CYFIP1: variants seen among roughly 807,000 people sequenced by gnomAD.
CYFIP1 encodes cytoplasmic FMR1-interacting protein 1.
A neutral mutation model predicts 163.5 loss-of-function variants in CYFIP1; 58 were observed. The observed-to-expected ratio is 0.35, with a 90% CI of 0.29 to 0.44. The LOEUF (loss-of-function observed/expected upper bound fraction) is 0.44, where lower values mean the gene tolerates loss of function less well. Among genes scored for constraint, CYFIP1 ranks in the 20% least tolerant of loss-of-function variants. CYFIP1 has a pLI of 1.00. For synonymous variants in CYFIP1, 663 were observed against 660.7 expected (o/e 1.00, Z -0.05); for missense variants, 1,338 against 1,653.8 (o/e 0.81, Z 3.31).
At position 22,917,266 on chromosome 15, in the gene CYFIP1, G is replaced by C. The variant is rs765300210; in HGVS notation, c.1674+522C>G. On this transcript the variant is annotated intron_variant, in intron 15 of 30. Coordinates refer to ENST00000617928, the MANE Select transcript of CYFIP1 (RefSeq NM_014608.6). This position sits in a 1 kb window ranked among gnomAD's most constrained non-coding sequence, Gnocchi z 4.2. ...AGCCTCCGGCAGAGATGAGGGAGAA[G>C]ACCAGCCCCAGGACGGAGGACAGAC... 5.0e-6 allele frequency: 7 copies of C among 1,388,500 alleles called. No homozygotes were observed. The highest frequency in any genetic ancestry group is 6.5e-6 in the Non-Finnish European group (7 of 1,078,128). 86.0% of individuals were successfully genotyped at this position (1,388,500 alleles called of 1,614,324 possible).
At chr15:22,946,960 G>T in intron 3 of CYFIP1, 43 bp downstream of exon 3, 1 of 1,521,612 alleles carries the variant, frequency 6.6e-7, no homozygotes. Flanking sequence ...CTTCAAACAC[G>T]CCCTTCTCTG....
chr15:22,980,167 G>GT (rs2063432500), intron 1 of CYFIP1, 120 bp downstream of exon 1: 1 of 96,918 alleles, frequency 1.0e-5, no homozygotes. Context: ...CGCCGCCGGG[G>GT]TTGGGGGGGA....
At chr15:22,980,869 C>G (rs570173755), upstream of CYFIP1, 5 of 152,288 alleles carry the variant, frequency 3.3e-5, no homozygotes, top group African/African-American at 7.2e-5. Flanking sequence ...GGGGACCCCC[C>G]CGGCCGGCCC....
At chr15:22,931,729 CAG>C (rs1157423889) in intron 11 of CYFIP1, among the ~76,000 whole-genome samples, 3 of 88,190 alleles carry the variant, frequency 3.4e-5, no homozygotes, top group Non-Finnish European at 4.4e-5. Context: ...TACAGCTGAA[CAG>C]AGAGAACACT....
intron 1 of CYFIP1, among the ~76,000 whole-genome samples, chr15:22,978,932 A>T (rs184913703): frequency 6.6e-6 from 1 of 152,268 alleles, no homozygotes; most frequent in Non-Finnish European, 1.5e-5. Context: ...GGAAGTCACT[A>T]CAGTCCATGC....
intron 1 of CYFIP1, among the ~76,000 whole-genome samples, chr15:22,973,008 C>T (rs2063150139): frequency 6.6e-6 from 1 of 152,068 alleles, no homozygotes; most frequent in Non-Finnish European, 1.5e-5. Context: ...TGGTGGTGCA[C>T]ACCTGTAATC....
chr15:22,875,107 C>A, intron 27 of CYFIP1, 92 bp downstream of exon 27: 1 of 1,212,442 alleles, frequency 8.2e-7, no homozygotes, highest in Non-Finnish European at 1.2e-6. Context: ...AACCCACAAT[C>A]TGCACTGGTC....
intron 22 of CYFIP1, among the ~76,000 whole-genome samples, chr15:22,901,488 C>A (rs1293567299): frequency 6.6e-6 from 1 of 152,328 alleles, no homozygotes; most frequent in African/African-American, 2.4e-5. Flanking sequence ...GCTCCAGGTG[C>A]GCCCCGCTGA....
rs1201252660 is a variant in CYFIP1, at chr15:22,914,948, C to T, written c.1829-66G>A. The T allele has an allele frequency of 4.6e-6, 7 of 1,516,398 alleles. 1 individual carries two copies. The highest frequency in any genetic ancestry group is 6.2e-6 in the Non-Finnish European group (7 of 1,125,778). The allele number at this position is 1,516,398 out of a possible 1,614,324, so 93.9% of individuals were successfully genotyped here. On this transcript the variant is annotated intron_variant, in intron 16 of 30. Coordinates refer to ENST00000617928, the MANE Select transcript of CYFIP1 (RefSeq NM_014608.6). ...AAAAAAAAACCTTTAGCAGAGATGA[C>T]ACAAGGGCTGTGTGCTGGGTGCCTG... is the stretch of plus-strand genomic sequence containing the variant.
At chr15:22,955,723 T>C (rs2062424608) in intron 1 of CYFIP1, among the ~76,000 whole-genome samples, 1 of 151,840 alleles carries the variant, frequency 6.6e-6, no homozygotes. Context: ...CTCGCCACAC[T>C]CCCCCTGCAA....
At chr15:22,977,779 C>T (rs1318526951) in intron 1 of CYFIP1, among the ~76,000 whole-genome samples, 15 of 150,950 alleles carry the variant, frequency 9.9e-5, no homozygotes, top group Admixed American at 5.9e-4. Flanking sequence ...TGCAGTGAGC[C>T]GAGATCACAC....
rs1184967807 is a variant in CYFIP1 at position 22,869,663 on chromosome 15, T to TATAGTTAATGGTA, written c.*364_*365insTACCATTAACTAT. ...GATCCCTAAACAAAAGCTAAATAGTTACAGTTAATGGTAACTGGCAAGGGA... is the reference window on the plus strand; with the variant it reads ...GATCCCTAAACAAAAGCTAAATAGTTATAGTTAATGGTAACAGTTAATGGTAACTGGCAAGGGA... On this transcript the variant is annotated 3_prime_UTR_variant, in exon 31 of 31. Transcript: ENST00000617928. 6.1e-6 allele frequency: 1 copy of TATAGTTAATGGTA among 162,914 alleles called. No homozygotes were observed. The highest frequency in any genetic ancestry group is 2.4e-5 in the African/African-American group (1 of 41,854). The allele number at this position is 162,914 out of a possible 1,614,324, so 10.1% of individuals were successfully genotyped here.
At chr15:22,927,483 C>CAAAA (rs1188331935) in intron 12 of CYFIP1, among the ~76,000 whole-genome samples, 7,160 of 57,244 alleles carry the variant, frequency 0.13, 390 homozygotes, top group Non-Finnish European at 0.2. Context: ...AACTCCGTCT[C>CAAAA]AAAAAAAAAA....
intron 27 of CYFIP1, 72 bp from the exon 28 acceptor site, chr15:22,874,716 G>T: frequency 2.8e-6 from 3 of 1,057,556 alleles, no homozygotes; most frequent in Admixed American, 3.5e-5. Flanking sequence ...GTTTACATTT[G>T]TTTAAAAAAC....
chr15:22,926,508 C>CA (rs1204386177), intron 12 of CYFIP1, among the ~76,000 whole-genome samples: 2 of 152,046 alleles, frequency 1.3e-5, no homozygotes, highest in African/African-American at 4.8e-5. Flanking sequence ...CTCATCTCTA[C>CA]AAAAAATAAA....
intron 1 of CYFIP1, among the ~76,000 whole-genome samples, chr15:22,970,053 G>A (rs2063039034): frequency 6.6e-6 from 1 of 152,058 alleles, no homozygotes; most frequent in South Asian, 2.1e-4. Flanking sequence ...GAAGTTGCAG[G>A]ATACAAAAGC....
chr15:22,900,741 G>A (rs1369661254), intron 22 of CYFIP1, among the ~76,000 whole-genome samples: 2 of 151,750 alleles, frequency 1.3e-5, no homozygotes, highest in African/African-American at 2.4e-5. Context: ...TGGTGGAGAC[G>A]GCCCCAGGAG....
At chr15:22,901,490 C>A (rs1381826324) in intron 22 of CYFIP1, among the ~76,000 whole-genome samples, 1 of 152,182 alleles carries the variant, frequency 6.6e-6, no homozygotes, top group South Asian at 2.1e-4. Flanking sequence ...TCCAGGTGCG[C>A]CCCGCTGAGG....
At chr15:22,929,613 CAG>C (rs2061467454) in intron 11 of CYFIP1, among the ~76,000 whole-genome samples, 1 of 111,178 alleles carries the variant, frequency 9.0e-6, no homozygotes, top group Non-Finnish European at 1.7e-5. Flanking sequence ...GCCTGGGCAA[CAG>C]AGAGAGACTC....
Sources: gnomAD v4.1 joint callset for allele counts (sites outside exome capture counted in the v4.1 genomes callset) on GRCh38, gnomAD v4.1.1 for gene constraint, Gnocchi (gnomAD v3.1) non-coding constraint, MANE v1.5 for transcripts, NCBI Gene and HGNC (gene_info 2026-07-23, HGNC 2026-07-21) for gene names.